Variants in MAML3 observed in about 807,000 individuals in gnomAD.
The protein encoded by MAML3 is mastermind-like protein 3.
In MAML3, 27 loss-of-function variants were observed where a neutral mutation model predicts 101.9. That is an observed-to-expected ratio of 0.27 (90% confidence interval 0.20 to 0.37). MAML3 has a LOEUF of 0.37. MAML3 is among the 10% of genes least tolerant of loss of function. The pLI, the probability that MAML3 is intolerant of heterozygous loss-of-function variation, is 1.00. For synonymous variants in MAML3, 501 were observed against 555.9 expected, an observed-to-expected ratio of 0.90 and a Z score of 1.39; for missense variants, 1,316 against 1,444.9, an observed-to-expected ratio of 0.91 and a Z score of 1.45.
chr4:139,900,615 T>G (rs753873515), intron 1 of MAML3, among the ~76,000 whole-genome samples: 5 of 151,272 alleles, frequency 3.3e-5, no homozygotes, highest in Non-Finnish European at 5.9e-5. Flanking sequence ...AGTTATAAAG[T>G]TTTTCACAAA....
intron 1 of MAML3, among the ~76,000 whole-genome samples, chr4:140,083,967 C>CAG (rs72201205): frequency 1.2e-5 from 1 of 81,184 alleles, no homozygotes; most frequent in African/African-American, 4.3e-5. Flanking sequence ...CACACACACA[C>CAG]AGAGAGAGAG....
intron 1 of MAML3, among the ~76,000 whole-genome samples, chr4:140,098,792 G>A (rs1466580297): frequency 6.6e-6 from 1 of 152,176 alleles, no homozygotes; most frequent in Non-Finnish European, 1.5e-5. Flanking sequence ...GGCCTCCAGG[G>A]TTTAGACAGA....
chr4:139,928,151 T>C (rs1399133217), intron 1 of MAML3, among the ~76,000 whole-genome samples: 1 of 152,258 alleles, frequency 6.6e-6, no homozygotes, highest in East Asian at 1.9e-4. Context: ...GGGTTCATGC[T>C]GGCCTTCTCC....
intron 1 of MAML3, among the ~76,000 whole-genome samples, chr4:139,945,284 CTTTGAATTATCA>C (rs1409431123): frequency 6.6e-6 from 1 of 152,190 alleles, no homozygotes; most frequent in Non-Finnish European, 1.5e-5. Context: ...TCTGCAGATT[CTTTGAATTATCA>C]TTTTATGTGC....
chr4:139,863,277 T>C (rs1479895586), intron 2 of MAML3, among the ~76,000 whole-genome samples: 1 of 152,114 alleles, frequency 6.6e-6, no homozygotes, highest in Non-Finnish European at 1.5e-5. Flanking sequence ...GTAAGTCTTA[T>C]TCTTTGTTCA....
At chr4:139,754,504 G>A (rs981628469) in intron 2 of MAML3, among the ~76,000 whole-genome samples, 5 of 152,080 alleles carry the variant, frequency 3.3e-5, no homozygotes, top group Admixed American at 6.5e-5. Context: ...GCCTATTGTT[G>A]GACATTTAAA....
In MAML3 at chr4:140,149,939, C is replaced by CTTTTTT. The variant is rs3051828; in HGVS notation, c.468+2915_468+2920dup. Among the ~76,000 whole-genome samples, 469 of 129,068 alleles carry CTTTTTT rather than the reference C, an allele frequency of 3.6e-3. 3 individuals carry two copies. Among genetic ancestry groups the CTTTTTT allele is most frequent in the Non-Finnish European group, 4.9e-3 (306 of 62,018 alleles). The allele number at this position is 129,068 out of a possible 152,430, so 84.7% of individuals were successfully genotyped here. A position where few individuals can be genotyped will look rare whatever the true frequency, so the allele number is the denominator to read the frequency against. On this transcript the variant is annotated intron_variant, in intron 1 of 4. Transcript: ENST00000509479. ...TATAACTTGTAGAGCATGTTTCTTT[C>CTTTTTT]TTTTTTTTTTTTTTTTTTGGTACAC...
intron 1 of MAML3, among the ~76,000 whole-genome samples, chr4:140,091,537 CA>C (rs570700966): frequency 0.065 from 4,642 of 71,712 alleles, 273 homozygotes; most frequent in Non-Finnish European, 0.09. Context: ...AACAACAAAA[CA>C]AAAACAAAAC....
At chr4:139,804,368 G>A (rs963813519) in intron 2 of MAML3, among the ~76,000 whole-genome samples, 18 of 151,684 alleles carry the variant, frequency 1.2e-4, no homozygotes, top group African/African-American at 4.4e-4. Flanking sequence ...CCGGGTTCAA[G>A]CGATTCTCCT....
At chr4:139,746,331 T>C (rs1729319298) in intron 2 of MAML3, among the ~76,000 whole-genome samples, 1 of 152,180 alleles carries the variant, frequency 6.6e-6, no homozygotes, top group Non-Finnish European at 1.5e-5. Flanking sequence ...CTGTTGAAAA[T>C]TTATGATTGA....
chr4:139,876,786 C>T (rs1732123242), intron 2 of MAML3, among the ~76,000 whole-genome samples: 1 of 152,250 alleles, frequency 6.6e-6, no homozygotes, highest in Non-Finnish European at 1.5e-5. Context: ...CCTGGGGTGC[C>T]TGCAGGCTGG....
intron 1 of MAML3, among the ~76,000 whole-genome samples, chr4:139,995,240 G>C (rs74575781): frequency 0.021 from 3,154 of 152,220 alleles, 34 homozygotes; most frequent in Admixed American, 0.026. Context: ...ACATTAATGG[G>C]ATAAATCCCA....
chr4:140,017,489 G>T (rs1726660787), intron 1 of MAML3, among the ~76,000 whole-genome samples: 1 of 151,952 alleles, frequency 6.6e-6, no homozygotes, highest in Non-Finnish European at 1.5e-5. Flanking sequence ...AGAAAACCCT[G>T]TATATGATTG....
At chr4:140,020,140 A>G (rs1726708793) in intron 1 of MAML3, among the ~76,000 whole-genome samples, 1 of 152,122 alleles carries the variant, frequency 6.6e-6, no homozygotes, top group South Asian at 2.1e-4. Context: ...GCTGTACTGC[A>G]TTTGGAAGTA....
intron 1 of MAML3, among the ~76,000 whole-genome samples, chr4:140,107,879 A>T (rs1398945309): frequency 7.2e-5 from 11 of 152,014 alleles, no homozygotes; most frequent in Non-Finnish European, 1.2e-4. Flanking sequence ...GGGGTGAGCA[A>T]ATACATATGC....
At chr4:139,810,740 C>T (rs1200236354) in intron 2 of MAML3, among the ~76,000 whole-genome samples, 4 of 152,134 alleles carry the variant, frequency 2.6e-5, no homozygotes, top group Non-Finnish European at 5.9e-5. Flanking sequence ...TTATAAAAAT[C>T]AAGTGAATTT....
At chr4:140,086,812 T>A (rs1727959513) in intron 1 of MAML3, among the ~76,000 whole-genome samples, 5 of 152,198 alleles carry the variant, frequency 3.3e-5, no homozygotes, top group African/African-American at 1.2e-4. Context: ...AGAGAGATTT[T>A]AAAAAGAAAT....
At chr4:140,088,311 C>G (rs1407412096) in intron 1 of MAML3, among the ~76,000 whole-genome samples, 1 of 151,878 alleles carries the variant, frequency 6.6e-6, no homozygotes, top group Non-Finnish European at 1.5e-5. Flanking sequence ...GAGGGAGAAC[C>G]CTTTCCCTCC....
At chr4:139,728,420 C>A (rs1728565414) in intron 3 of MAML3, among the ~76,000 whole-genome samples, 1 of 152,214 alleles carries the variant, frequency 6.6e-6, no homozygotes, top group Non-Finnish European at 1.5e-5. Flanking sequence ...GCACATACAG[C>A]TTCCAAAACA....
Sources: allele counts gnomAD v4.1 joint callset (sites outside exome capture counted in the v4.1 genomes callset), GRCh38; gene constraint gnomAD v4.1.1; transcripts MANE v1.5; gene names NCBI Gene and HGNC (gene_info 2026-07-23, HGNC 2026-07-21).